Variants in CCNT2 observed in about 807,000 individuals in gnomAD.
The protein encoded by CCNT2 is cyclin T2, also known as cyclin-T2.
Under a neutral mutation model 70.0 loss-of-function variants are expected in CCNT2, and 18 were observed. The ratio of observed to expected loss-of-function variants is 0.26; its 90% CI spans 0.18 to 0.38. The LOEUF is 0.38. Ranked by LOEUF, CCNT2 falls within the 10% of genes least tolerant of loss-of-function variation. CCNT2 has a pLI of 1.00. For synonymous variants in CCNT2, 334 were observed against 313.3 expected (o/e 1.07, Z -0.70); for missense variants, 734 against 890.2 (o/e 0.82, Z 2.23).
intron 6 of CCNT2, among the ~76,000 whole-genome samples, chr2:134,947,497 T>C (rs929098127): frequency 6.6e-6 from 1 of 152,126 alleles, no homozygotes; most frequent in Non-Finnish European, 1.5e-5. Flanking sequence ...AAACAAAATT[T>C]TAAATATTAA....
chr2:134,929,744 G>C (rs760759525), intron 2 of CCNT2, among the ~76,000 whole-genome samples: 6 of 151,026 alleles, frequency 4.0e-5, no homozygotes, highest in Non-Finnish European at 5.9e-5. Flanking sequence ...CCACCTCCTG[G>C]GTTCAAGTGA....
chr2:134,945,588 T>A (rs1292698453), intron 5 of CCNT2: 1 of 985,332 alleles, frequency 1.0e-6, no homozygotes, highest in Non-Finnish European at 1.2e-6. Context: ...TCTCTGTTGA[T>A]GCTTAATAGC....
At chr2:134,933,422 G>A (rs1397953370) in intron 2 of CCNT2, among the ~76,000 whole-genome samples, 3 of 152,168 alleles carry the variant, frequency 2.0e-5, no homozygotes, top group African/African-American at 2.4e-5. Context: ...CAGCAGCGGA[G>A]AGTGAAGAAT....
rs1200448868 is a variant in CCNT2, at chr2:134,953,506, T to C, written c.1051T>C (p.Trp351Arg). Residue 351 changes from tryptophan to arginine, a missense_variant, in exon 9 of 9, where the codon TGG becomes CGG. By Grantham distance (101) the Trp-to-Arg change is moderately radical. Around this residue, in one of 3 missense-constraint regions of CCNT2, gnomAD observed 532 missense variants for 556.9 expected, o/e 0.96. Coordinates refer to ENST00000264157, the MANE Select transcript of CCNT2 (RefSeq NM_058241.3). ...TSYGLSSHQE[W>R]PQHQDSARTE... ...ATACGGTTTATCATCACACCAGGAA[T>C]GGCCTCAACATCAAGACTCAGCAAG... 2.5e-6 allele frequency: 4 copies of C among 1,614,214 alleles called. No homozygotes were observed. The highest frequency in any genetic ancestry group is 2.5e-6 in the Non-Finnish European group (3 of 1,180,034).
intron 5 of CCNT2, chr2:134,945,679 A>C: frequency 1.6e-6 from 2 of 1,244,964 alleles, no homozygotes; most frequent in East Asian, 5.6e-5. Flanking sequence ...GGAAGTATTT[A>C]AGCCAACTTA....
Position 134,952,661 on chromosome 2 carries a change from C to A in CCNT2, c.724C>A (p.Gln242Lys). The A allele has an allele frequency of 6.3e-7, 1 of 1,595,356 alleles. No individual in the cohort carries two copies. The highest frequency in any genetic ancestry group is 2.3e-5 in the East Asian group (1 of 43,842). ...LLDELTHEFLQILEKTPNRLK... is the reference protein window; with the variant it reads ...LLDELTHEFLKILEKTPNRLK... The stretch of plus-strand genomic sequence containing the variant: ...TTTAGAGCTAACACATGAGTTTCTA[C>A]AAATATTGGAGAAAACGCCTAATAG... Residue 242 changes from glutamine (Q) to lysine (K), a missense_variant, in exon 8 of 9, where the codon CAA (glutamine) becomes AAA (lysine). Coordinates refer to ENST00000264157, the MANE Select transcript of CCNT2 (RefSeq NM_058241.3).
chr2:134,921,310 A>G (rs1450869620), intron 2 of CCNT2, among the ~76,000 whole-genome samples: 1 of 152,142 alleles, frequency 6.6e-6, no homozygotes, highest in Non-Finnish European at 1.5e-5. Flanking sequence ...TTGTACTTCC[A>G]ATAAATGATC....
intron 2 of CCNT2, among the ~76,000 whole-genome samples, chr2:134,926,393 T>G (rs1183370824): frequency 6.6e-6 from 1 of 152,152 alleles, no homozygotes; most frequent in African/African-American, 2.4e-5. Context: ...CCCTCCACAT[T>G]TTTAGTTTCT....
intron 2 of CCNT2, among the ~76,000 whole-genome samples, chr2:134,928,339 C>T (rs1375576464): frequency 1.5e-5 from 2 of 137,006 alleles, no homozygotes; most frequent in Non-Finnish European, 3.0e-5. Flanking sequence ...AGTGCAATGG[C>T]GCGATCTCGG....
chr2:134,957,892 T>C lies in CCNT2; in HGVS notation c.*3244T>C, dbSNP rs1559123811. On this transcript the variant is annotated 3_prime_UTR_variant, in exon 9 of 9. Transcript: ENST00000264157. ...TATTGCTTTGTAGCAACAGATTGTA[T>C]TAATAATTAATAGAATACCTAATTT... 1 of 99,054 alleles carries C rather than the reference T, an allele frequency of 1.0e-5. No homozygotes were observed. The highest frequency in any genetic ancestry group is 1.9e-5 in the Non-Finnish European group (1 of 52,718). 6.1% of individuals were successfully genotyped at this position (99,054 alleles called of 1,614,324 possible).
chr2:134,954,599 C>T lies in CCNT2; in HGVS notation c.2144C>T (p.Thr715Ile), dbSNP rs1205810020. 4 of 1,613,828 alleles carry T rather than the reference C, an allele frequency of 2.5e-6. No individual in the cohort carries two copies. The highest frequency in any genetic ancestry group is 2.2e-5 in the East Asian group (1 of 44,894). Reference protein sequence around the residue: ...TSSQHMDYKDTFDMLDSLLSA... With the variant: ...TSSQHMDYKDIFDMLDSLLSA... ...AGCCAGCATATGGACTACAAAGACA[C>T]ATTCGACATGCTGGACTCACTGTTA... The change falls in exon 9 of 9, where the codon ACA becomes ATA. Residue 715 changes from threonine to isoleucine, a missense_variant. Around this residue, in one of 3 missense-constraint regions of CCNT2, gnomAD observed 532 missense variants for 556.9 expected, o/e 0.96. Transcript: ENST00000264157.
intron 2 of CCNT2, among the ~76,000 whole-genome samples, chr2:134,927,662 AGTTTT>A (rs1199583489): frequency 3.9e-5 from 6 of 152,186 alleles, no homozygotes; most frequent in African/African-American, 1.4e-4. Flanking sequence ...GCAGAACAGG[AGTTTT>A]GTTTTTAGTA....
chr2:134,935,065 A>G (rs1222187365), intron 2 of CCNT2, among the ~76,000 whole-genome samples: 2 of 152,228 alleles, frequency 1.3e-5, no homozygotes, highest in Admixed American at 6.5e-5. Flanking sequence ...ATACATATTC[A>G]TTCAACAAAT....
chr2:134,945,471 G>T, intron 5 of CCNT2: 1 of 985,376 alleles, frequency 1.0e-6, no homozygotes, highest in South Asian at 4.7e-5. Flanking sequence ...ATCCTCCCTA[G>T]AATACCTGTA....
Position 134,954,244 on chromosome 2 carries a change from A to G in CCNT2, c.1789A>G (p.Thr597Ala), listed in dbSNP as rs1022909352. 3 of 1,614,044 alleles carry G rather than the reference A, an allele frequency of 1.9e-6. No homozygotes were observed. The highest frequency in any genetic ancestry group is 2.5e-6 in the Non-Finnish European group (3 of 1,180,006). The change falls in exon 9 of 9, where the codon ACT (threonine) becomes GCT (alanine). Residue 597 changes from threonine to alanine, a missense_variant. Around this residue, in one of 3 missense-constraint regions of CCNT2, gnomAD observed 532 missense variants for 556.9 expected, o/e 0.96. Transcript: ENST00000264157. The part of the protein sequence containing the change: ...SKHSADGIPP[T>A]VLRSPVGLSS... Reference sequence around the variant, plus strand: ...ACACAGTGCCGACGGAATACCACCCACTGTTCTGAGGAGTCCTGTTGGCCT... The same window carrying G: ...ACACAGTGCCGACGGAATACCACCCGCTGTTCTGAGGAGTCCTGTTGGCCT...
At chr2:134,920,045 T>C (rs1679773252) in intron 2 of CCNT2, 154 bp downstream of exon 2, 1 of 537,762 alleles carries the variant, frequency 1.9e-6, no homozygotes, top group East Asian at 3.3e-5. Context: ...TGCGGTGTTT[T>C]TGTGTTTTTA....
intron 2 of CCNT2, among the ~76,000 whole-genome samples, chr2:134,930,289 G>C (rs1167705969): frequency 6.6e-6 from 1 of 152,170 alleles, no homozygotes; most frequent in East Asian, 1.9e-4. Context: ...GTCCGTTCAT[G>C]GTGTAGAATG....
At chr2:134,947,947 A>G in intron 7 of CCNT2, 48 bp downstream of exon 7, 1 of 1,147,212 alleles carries the variant, frequency 8.7e-7, no homozygotes, top group Non-Finnish European at 1.2e-6. Context: ...CTAAGTTGGC[A>G]GTTGTCTGAA....
rs1682947353 is a variant in CCNT2, at chr2:134,956,648, A to G, written c.*2000A>G. The G allele has an allele frequency of 6.6e-6, 1 of 152,534 alleles. No homozygotes were observed. The highest frequency in any genetic ancestry group is 6.5e-5 in the Admixed American group (1 of 15,278). 9.4% of individuals were successfully genotyped at this position (152,534 alleles called of 1,614,324 possible). ...AAAAACTACATAAGGTGGTTGTGCT[A>G]CTGTATAATTGGGGGTGATAATACC... On this transcript the variant is annotated 3_prime_UTR_variant, in exon 9 of 9. Coordinates refer to ENST00000264157, the MANE Select transcript of CCNT2 (RefSeq NM_058241.3).
Sources: gnomAD v4.1 joint callset for allele counts (sites outside exome capture counted in the v4.1 genomes callset) on GRCh38, gnomAD v4.1.1 for gene constraint, gnomAD v4.1.1 regional missense constraint, MANE v1.5 for transcripts, NCBI Gene and HGNC (gene_info 2026-07-23, HGNC 2026-07-21) for gene names.